USP9Y: variants seen among roughly 807,000 people sequenced by gnomAD.
USP9Y encodes ubiquitin carboxyl-terminal hydrolase 9Y.
USP9Y carries 41 observed loss-of-function variants against 53.1 expected under a neutral mutation model. The observed-to-expected ratio is 0.77, with a 90% CI of 0.60 to 1.00. The LOEUF is 1.00. USP9Y is among the 50% of genes least tolerant of loss of function. The pLI is 0.00. For missense variants in USP9Y, 567 were observed against 535.8 expected (o/e 1.06, Z -0.58); for synonymous variants, 220 against 173.7 (o/e 1.27, Z -2.09).
intron 15 of USP9Y, among the ~76,000 whole-genome samples, chrY:12,770,149 C>T: frequency 3.0e-5 from 1 of 33,326 alleles, no homozygotes; most frequent in Non-Finnish European, 7.4e-5. Context: ...TGGTATCTCA[C>T]GCCTATAATC....
chrY:12,776,308 A>G, intron 18 of USP9Y, among the ~76,000 whole-genome samples: 1 of 31,348 alleles, frequency 3.2e-5, no homozygotes, highest in South Asian at 7.4e-4. Context: ...CACCTGGCTA[A>G]TTTTGTATTT....
chrY:12,739,558 C>T lies in USP9Y; in HGVS notation c.1351C>T (p.His451Tyr). The T allele has an allele frequency of 2.5e-6, 1 of 395,631 alleles. No individual in the cohort carries two copies. The highest frequency in any genetic ancestry group is 3.6e-6 in the Non-Finnish European group (1 of 281,623). ...ACATGAAGCCATTGTGAAGAATGTA[C>T]ATGATCTGCTAGCAAAGTTGGCTTG... ...GKHEAIVKNV[H>Y]DLLAKLAWDF... Residue 451 changes from histidine to tyrosine, a missense_variant, in exon 12 of 46, where the codon CAT (histidine) becomes TAT (tyrosine). Coordinates refer to ENST00000338981, the MANE Select transcript of USP9Y (RefSeq NM_004654.4).
chrY:12,749,150 T>C, intron 12 of USP9Y, among the ~76,000 whole-genome samples: 1 of 33,368 alleles, frequency 3.0e-5, no homozygotes, highest in Non-Finnish European at 7.4e-5. Flanking sequence ...TGGAACATCC[T>C]TCATGGAGAA....
chrY:12,759,342 C>G, intron 14 of USP9Y, among the ~76,000 whole-genome samples: 1 of 32,968 alleles, frequency 3.0e-5, no homozygotes, highest in Non-Finnish European at 7.4e-5. Context: ...GAAGAAAATT[C>G]TCAGTGCAGT....
intron 18 of USP9Y, 45 bp from the exon 19 acceptor site, chrY:12,776,604 A>G: frequency 6.7e-6 from 2 of 297,514 alleles, no homozygotes; most frequent in Non-Finnish European, 5.2e-6. Context: ...GTCACATTTC[A>G]TTTGTAAACA....
chrY:12,778,966 A>G, intron 21 of USP9Y, among the ~76,000 whole-genome samples: 1 of 33,240 alleles, frequency 3.0e-5, no homozygotes, highest in Non-Finnish European at 7.5e-5. Context: ...GGTATTAAAT[A>G]TATAGCTCTA....
chrY:12,716,600 A>G, intron 3 of USP9Y, among the ~76,000 whole-genome samples: 1 of 32,532 alleles, frequency 3.1e-5, no homozygotes, highest in Non-Finnish European at 7.5e-5. Context: ...TTCTTCTGCT[A>G]TTGCTTTCTT....
At chrY:12,825,888 ATTTTCTTTTCTTTTCTTTTCTTTTC>A in intron 33 of USP9Y, among the ~76,000 whole-genome samples, 3 of 16,381 alleles carry the variant, frequency 1.8e-4, no homozygotes, top group Non-Finnish European at 2.3e-4. Context: ...TAAACAGTAT[ATTTTCTTTTCTTTTCTTTTCTTTTC>A]TTTTCTTTTC....
In USP9Y at chrY:12,816,183, G is replaced by A; in HGVS notation, c.4669G>A (p.Gly1557Arg). 1 of 398,652 alleles carries A rather than the reference G, an allele frequency of 2.5e-6. No individual in the cohort carries two copies. Among genetic ancestry groups the A allele is most frequent in the Non-Finnish European group, 3.5e-6 (1 of 283,551 alleles). The change falls in exon 32 of 46, where the codon GGA becomes AGA. Residue 1557 changes from glycine (G) to arginine (R), a missense_variant. Gly to Arg is a moderately radical substitution (Grantham distance 125, BLOSUM62 -2). Transcript: ENST00000338981. ...LPPVGPRPPK[G>R]FVGLKNAGAT... ...CCCTGTTGGACCCCGCCCACCAAAA[G>A]GATTTGTGGGACTCAAAAATGCTGG...
chrY:12,811,345 G>A, intron 29 of USP9Y, among the ~76,000 whole-genome samples: 1 of 33,196 alleles, frequency 3.0e-5, no homozygotes, highest in Non-Finnish European at 7.4e-5. Flanking sequence ...TTTTGGGGAG[G>A]AGCTTTGCTG....
intron 3 of USP9Y, among the ~76,000 whole-genome samples, chrY:12,720,324 A>G (rs2053434506): frequency 3.1e-5 from 1 of 32,081 alleles, no homozygotes; most frequent in Non-Finnish European, 7.6e-5. Flanking sequence ...GCTTGAACCC[A>G]GGAGGCAGAG....
chrY:12,745,814 CTG>C (rs2053460291), intron 12 of USP9Y, among the ~76,000 whole-genome samples: 5 of 33,882 alleles, frequency 1.5e-4, no homozygotes, highest in Non-Finnish European at 3.7e-4. Context: ...TTCCTTGACT[CTG>C]AAAAACAAAA....
At chrY:12,822,612 G>A (rs2053542855) in intron 33 of USP9Y, among the ~76,000 whole-genome samples, 3 of 33,284 alleles carry the variant, frequency 9.0e-5, no homozygotes, top group African/African-American at 3.5e-4. Flanking sequence ...TGATTCGCCT[G>A]CCTTGGCCTC....
intron 22 of USP9Y, among the ~76,000 whole-genome samples, chrY:12,780,620 G>A: frequency 3.0e-5 from 1 of 33,231 alleles, no homozygotes; most frequent in Non-Finnish European, 7.4e-5. Flanking sequence ...CTTGGAGTTG[G>A]TTGAACATAG....
chrY:12,787,627 T>G, intron 24 of USP9Y, among the ~76,000 whole-genome samples: 1 of 33,297 alleles, frequency 3.0e-5, no homozygotes, highest in Non-Finnish European at 7.5e-5. Context: ...GAGGATGTAT[T>G]ATATTCTTTT....
chrY:12,726,472 C>G (rs2053442281), intron 6 of USP9Y, 103 bp from the exon 7 acceptor site: 1 of 190,043 alleles, frequency 5.3e-6, no homozygotes, highest in Admixed American at 9.3e-5. Flanking sequence ...ATTAAGATGA[C>G]CAGTGCAGAA....
In USP9Y at chrY:12,839,917, C is replaced by G; in HGVS notation, c.5391C>G (p.Ile1797Met). The change falls in exon 36 of 46, where the codon ATC becomes ATG. Residue 1797 changes from isoleucine to methionine, a missense_variant. Coordinates refer to ENST00000338981, the MANE Select transcript of USP9Y (RefSeq NM_004654.4). ...AAAAATTGCCTCGGGTTCTTGCTAT[C>G]CAACTCAAACGATTTGACTATGACT... The part of the protein sequence containing the change: ...LIKKLPRVLA[I>M]QLKRFDYDWE... The G allele has an allele frequency of 2.5e-6, 1 of 398,239 alleles. No homozygotes were observed. Among genetic ancestry groups the G allele is most frequent in the Non-Finnish European group, 3.5e-6 (1 of 283,196 alleles).
chrY:12,854,686 G>A, intron 42 of USP9Y, among the ~76,000 whole-genome samples: 1 of 34,041 alleles, frequency 2.9e-5, no homozygotes, highest in African/African-American at 1.1e-4. Flanking sequence ...ACATGCATGA[G>A]CCACTGCACC....
chrY:12,851,607 A>G, intron 42 of USP9Y, among the ~76,000 whole-genome samples: 1 of 27,427 alleles, frequency 3.6e-5, no homozygotes, highest in Non-Finnish European at 8.5e-5. Flanking sequence ...GTTTCTTCAC[A>G]GCCTTGATGA....
Sources: allele counts gnomAD v4.1 joint callset (sites outside exome capture counted in the v4.1 genomes callset), GRCh38; gene constraint gnomAD v4.1.1; transcripts MANE v1.5; gene names NCBI Gene and HGNC (gene_info 2026-07-23, HGNC 2026-07-21).